CDC14B: variants seen among roughly 807,000 people sequenced by gnomAD.
The protein encoded by CDC14B is dual specificity protein phosphatase CDC14B.
Under a neutral mutation model 64.2 loss-of-function variants are expected in CDC14B, and 22 were observed. The ratio of observed to expected loss-of-function variants is 0.34; its 90% confidence interval spans 0.24 to 0.49. The LOEUF is 0.49. CDC14B is among the 20% of genes least tolerant of loss of function. The pLI is 0.99. For missense variants in CDC14B, 498 were observed against 629.9 expected, an observed-to-expected ratio of 0.79 and a Z score of 2.24; for synonymous variants, 191 against 215.8, an observed-to-expected ratio of 0.89 and a Z score of 1.01.
At chr9:96,528,579 A>T (rs1054295419) in intron 9 of CDC14B, among the ~76,000 whole-genome samples, 7 of 152,190 alleles carry the variant, frequency 4.6e-5, no homozygotes, top group Non-Finnish European at 8.8e-5. Context: ...GGGTGTAAAA[A>T]TATCTGTTCA....
In CDC14B at chr9:96,564,812, A is replaced by T. The variant is rs1311985124; in HGVS notation, c.292T>A (p.Tyr98Asn). The change falls in exon 3 of 14, where the codon TAC becomes AAC. Residue 98 changes from tyrosine to asparagine, a missense_variant. Physicochemically the swap from Tyr to Asn is moderately radical, Grantham distance 143. Transcript: ENST00000375241. ...DFGPLNLAMV[Y>N]RYCCKINKKL... ...TTATTGATCTTGCAACAATATCTGT[A>T]AACCATTGCCAGATTGAGTGGTCCA... The T allele has an allele frequency of 6.2e-7, 1 of 1,604,428 alleles. No individual in the cohort carries two copies. The highest frequency in any genetic ancestry group is 1.3e-5 in the African/African-American group (1 of 74,620).
intron 5 of CDC14B, among the ~76,000 whole-genome samples, chr9:96,544,820 A>AT (rs1840579205): frequency 6.6e-6 from 1 of 152,110 alleles, no homozygotes; most frequent in Admixed American, 6.5e-5. Context: ...AGAACACACC[A>AT]TTTTTGTTCT....
chr9:96,501,545 G>T lies in CDC14B; in HGVS notation c.*2208C>A, dbSNP rs1293999122. The T allele has an allele frequency of 6.6e-6, 1 of 152,460 alleles. No individual in the cohort carries two copies. Among genetic ancestry groups the T allele is most frequent in the Non-Finnish European group, 1.5e-5 (1 of 68,030 alleles). The allele number at this position is 152,460 out of a possible 1,614,324, so 9.4% of individuals were successfully genotyped here. On this transcript the variant is annotated 3_prime_UTR_variant, in exon 14 of 14. Coordinates refer to ENST00000375241, the MANE Select transcript of CDC14B (RefSeq NM_033331.4). ...GATGCTAGAGACAGTCCTCATAAGT[G>T]TAACACTGCCCTTGCTATGCACACC...
chr9:96,584,009 C>T (rs1390679929), intron 1 of CDC14B, among the ~76,000 whole-genome samples: 10 of 152,168 alleles, frequency 6.6e-5, no homozygotes, highest in Middle Eastern at 3.2e-3. Context: ...TGAGCCACCG[C>T]GCCTGGCGGT....
At chr9:96,583,373 A>AT (rs755655091) in intron 1 of CDC14B, among the ~76,000 whole-genome samples, 90 of 114,310 alleles carry the variant, frequency 7.9e-4, no homozygotes, top group Non-Finnish European at 1.1e-3. Context: ...GTATTTATTT[A>AT]TTATTATTAT....
At chr9:96,582,024 C>A (rs369674000) in intron 1 of CDC14B, among the ~76,000 whole-genome samples, 1 of 152,250 alleles carries the variant, frequency 6.6e-6, no homozygotes, top group African/African-American at 2.4e-5. Flanking sequence ...TGGTGAGAAC[C>A]AAGGGACGGC....
Position 96,568,150 on chromosome 9 carries a change from T to A in CDC14B, c.161-2667A>T, listed in dbSNP as rs537570227. 3.3e-5 allele frequency among the ~76,000 whole-genome samples: 5 copies of A among 152,324 alleles called. No homozygotes were observed. The South Asian group carries it at 6.2e-4, about 19-fold the overall frequency. ...TAGAAAAGTGTTACTTTATACATACTTTTGCCTCAAAAGTAAACCTGCATA... is the reference window on the plus strand; with the variant it reads ...TAGAAAAGTGTTACTTTATACATACATTTGCCTCAAAAGTAAACCTGCATA... On this transcript the variant is annotated intron_variant, in intron 1 of 13. Coordinates refer to ENST00000375241, the MANE Select transcript of CDC14B (RefSeq NM_033331.4).
intron 4 of CDC14B, among the ~76,000 whole-genome samples, chr9:96,557,363 T>C (rs1420139292): frequency 6.6e-6 from 1 of 152,226 alleles, no homozygotes; most frequent in Non-Finnish European, 1.5e-5. Context: ...TATGACCTCA[T>C]TCTGTCCTCC....
intron 1 of CDC14B, among the ~76,000 whole-genome samples, chr9:96,582,208 ATAG>A (rs1845199440): frequency 6.6e-6 from 1 of 152,232 alleles, no homozygotes; most frequent in East Asian, 1.9e-4. Context: ...TTAGGAATAA[ATAG>A]TAACTTTTCT....
At chr9:96,559,348 T>C (rs1230712622) in intron 4 of CDC14B, among the ~76,000 whole-genome samples, 1 of 152,192 alleles carries the variant, frequency 6.6e-6, no homozygotes. Context: ...TTCCTCCAGA[T>C]TTTTTTGGTT....
chr9:96,589,615 T>G (rs1219599565), intron 1 of CDC14B, among the ~76,000 whole-genome samples: 1 of 152,122 alleles, frequency 6.6e-6, no homozygotes, highest in Non-Finnish European at 1.5e-5. Flanking sequence ...AATAGAATAT[T>G]AAGATTAGTC....
chr9:96,499,097 G>C (rs1328636264), downstream of CDC14B, among the ~76,000 whole-genome samples: 1 of 152,258 alleles, frequency 6.6e-6, no homozygotes, highest in African/African-American at 2.4e-5. Flanking sequence ...GGTCAGGGGA[G>C]AGCTCTAGTG....
At position 96,534,441 on chromosome 9, in the gene CDC14B, A is replaced by G. The variant is rs1274600569; in HGVS notation, c.715+14T>C. On this transcript the variant is annotated intron_variant, in intron 8 of 13. Transcript: ENST00000375241. ...TCAATAACAAAATGAGATTAATGCC[A>G]TAATTTCACATACCACTTTCAAGTC... The G allele has an allele frequency of 1.2e-5, 18 of 1,549,788 alleles. No individual in the cohort carries two copies. Among genetic ancestry groups the G allele is most frequent in the Non-Finnish European group, 1.5e-5 (17 of 1,121,938 alleles).
intron 1 of CDC14B, among the ~76,000 whole-genome samples, chr9:96,599,197 T>C (rs1023731662): frequency 6.6e-6 from 1 of 152,092 alleles, no homozygotes; most frequent in African/African-American, 2.4e-5. Flanking sequence ...TTGGCCAACA[T>C]GGCAAAACCC....
At chr9:96,495,373 TGG>T (rs1207177339), downstream of CDC14B, among the ~76,000 whole-genome samples, 13 of 151,762 alleles carry the variant, frequency 8.6e-5, no homozygotes, top group East Asian at 2.2e-3. Flanking sequence ...CTGCCCTTTC[TGG>T]GCACCCATGT....
intron 1 of CDC14B, among the ~76,000 whole-genome samples, chr9:96,604,341 A>AC (rs1846710066): frequency 1.6e-5 from 2 of 128,462 alleles, no homozygotes; most frequent in African/African-American, 3.4e-5. Flanking sequence ...TGAAGCTTGC[A>AC]TTTATTATTA....
rs202193145 is a variant in CDC14B at position 96,551,111 on chromosome 9, CTTTTT to C, written c.497+680_497+684del. ...TACAAAGCCTAGGTTTTGGGGTTTG[CTTTTT>C]TTTTTTTTTTTTTTGAGACAAGTTA... On this transcript the variant is annotated intron_variant, in intron 5 of 13. Coordinates refer to ENST00000375241, the MANE Select transcript of CDC14B (RefSeq NM_033331.4). Among the ~76,000 whole-genome samples the C allele has an allele frequency of 7.0e-4, 65 of 93,282 alleles. 3 individuals carry two copies. The highest frequency in any genetic ancestry group is 9.6e-4 in the Non-Finnish European group (49 of 50,794). The allele number at this position is 93,282 out of a possible 152,430, so 61.2% of individuals were successfully genotyped here.
At chr9:96,594,138 C>A (rs1845932848) in intron 1 of CDC14B, among the ~76,000 whole-genome samples, 1 of 151,908 alleles carries the variant, frequency 6.6e-6, no homozygotes. Context: ...CAATGAAGGA[C>A]ACAGGCAATC....
chr9:96,589,086 A>G (rs1370225170), intron 1 of CDC14B, among the ~76,000 whole-genome samples: 1 of 152,248 alleles, frequency 6.6e-6, no homozygotes, highest in Non-Finnish European at 1.5e-5. Context: ...CTGTAATCCT[A>G]GCACTTTGGG....
Sources: allele counts gnomAD v4.1 joint callset (sites outside exome capture counted in the v4.1 genomes callset), GRCh38; gene constraint gnomAD v4.1.1; transcripts MANE v1.5; gene names NCBI Gene and HGNC (gene_info 2026-07-23, HGNC 2026-07-21).